The following DLG2 variants were observed in gnomAD, a reference collection of about 807,000 sequenced individuals.
The protein encoded by DLG2 is disks large homolog 2.
In DLG2, 45 loss-of-function variants were observed where a neutral mutation model predicts 132.5. That is an observed-to-expected ratio of 0.34 (90% confidence interval 0.27 to 0.44). DLG2 has a LOEUF of 0.44. Ranked by LOEUF, DLG2 falls within the 20% of genes least tolerant of loss-of-function variation. The pLI is 1.00. For missense variants in DLG2, 1,045 were observed against 1,196.9 expected, an observed-to-expected ratio of 0.87 and a Z score of 1.87; for synonymous variants, 424 against 419.6, an observed-to-expected ratio of 1.01 and a Z score of -0.13.
At position 84,355,887 on chromosome 11, in the gene DLG2, G is replaced by C. The variant is rs11821156; in HGVS notation, c.520-104596C>G. Among the ~76,000 whole-genome samples, 150 of 152,094 alleles carry C rather than the reference G, an allele frequency of 9.9e-4. 1 individual carries two copies. The highest frequency in any genetic ancestry group is 3.5e-3 in the African/African-American group (143 of 41,444). ...TTGCATAGTGTCCAAATGTGTCACT[G>C]TTCAATAAATATTTACTGAATGTTA... On this transcript the variant is annotated intron_variant, in intron 7 of 27. Transcript: ENST00000376104.
At chr11:84,473,237 T>C (rs1445901625) in intron 7 of DLG2, among the ~76,000 whole-genome samples, 1 of 152,034 alleles carries the variant, frequency 6.6e-6, no homozygotes, top group African/African-American at 2.4e-5. Context: ...AGAATGTGGC[T>C]CTGGTGAATC....
intron 7 of DLG2, among the ~76,000 whole-genome samples, chr11:84,354,966 C>A (rs775213260): frequency 6.6e-6 from 1 of 152,042 alleles, no homozygotes; most frequent in Non-Finnish European, 1.5e-5. Flanking sequence ...TTTTAATAAC[C>A]AATTTTTGAA....
At chr11:85,343,661 T>C (rs1021560273) in intron 3 of DLG2, among the ~76,000 whole-genome samples, 2 of 151,874 alleles carry the variant, frequency 1.3e-5, no homozygotes, top group Admixed American at 6.6e-5. Flanking sequence ...TACACGCACA[T>C]ACATACACAC....
intron 4 of DLG2, among the ~76,000 whole-genome samples, chr11:85,201,916 C>A (rs1456934722): frequency 6.6e-6 from 1 of 151,394 alleles, no homozygotes; most frequent in Admixed American, 6.6e-5. Flanking sequence ...AAAAAAAATT[C>A]TAGAGCTTAA....
rs1383356744 is a variant in DLG2, at chr11:84,861,629, A to AC, written c.357+250031_357+250032insG. 3.6e-3 allele frequency among the ~76,000 whole-genome samples: 262 copies of AC among 73,036 alleles called. 3 individuals carry two copies. Among genetic ancestry groups the AC allele is most frequent in the African/African-American group, 0.013 (256 of 20,186 alleles). The allele number at this position is 73,036 out of a possible 152,430, so 47.9% of individuals were successfully genotyped here. ...GAGCTTCTACACAGCAAAAAAAAAA[A>AC]AAAAAAAAAACAAAAAAAAAAACCT... On this transcript the variant is annotated intron_variant, in intron 6 of 27. Transcript: ENST00000376104.
At chr11:84,551,580 T>A (rs2099401955) in intron 6 of DLG2, among the ~76,000 whole-genome samples, 1 of 152,224 alleles carries the variant, frequency 6.6e-6, no homozygotes, top group Non-Finnish European at 1.5e-5. Flanking sequence ...TTCCCTCATT[T>A]AACAGATGAG....
intron 3 of DLG2, among the ~76,000 whole-genome samples, chr11:85,488,165 C>T (rs546329441): frequency 7.2e-5 from 11 of 152,166 alleles, no homozygotes; most frequent in South Asian, 2.1e-4. Flanking sequence ...CTGAAGTGGG[C>T]GGATCACGAG....
At chr11:84,106,039 A>G (rs570734941) in intron 9 of DLG2, among the ~76,000 whole-genome samples, 2 of 152,230 alleles carry the variant, frequency 1.3e-5, no homozygotes, top group African/African-American at 4.8e-5. Flanking sequence ...TACCACTTGA[A>G]CATTGGCCAT....
chr11:83,855,191 T>A (rs1201878539), intron 16 of DLG2, among the ~76,000 whole-genome samples: 1 of 152,220 alleles, frequency 6.6e-6, no homozygotes, highest in East Asian at 1.9e-4. Flanking sequence ...GGCAAGGATG[T>A]GTACCTGCAC....
chr11:85,014,915 G>A (rs1592706029), intron 6 of DLG2, among the ~76,000 whole-genome samples: 1 of 152,148 alleles, frequency 6.6e-6, no homozygotes, highest in African/African-American at 2.4e-5. Context: ...GTTATCCCGA[G>A]TCTCCTATCG....
chr11:83,752,796 T>C (rs897260497), intron 18 of DLG2, among the ~76,000 whole-genome samples: 2 of 152,178 alleles, frequency 1.3e-5, no homozygotes, highest in Non-Finnish European at 2.9e-5. Context: ...ACCTGGAATA[T>C]GAGAACGAAG....
At chr11:84,758,802 T>C (rs1207823003) in intron 6 of DLG2, among the ~76,000 whole-genome samples, 1 of 152,166 alleles carries the variant, frequency 6.6e-6, no homozygotes, top group Non-Finnish European at 1.5e-5. Flanking sequence ...TAACGTAGAT[T>C]CACTAAGTTG....
At chr11:84,640,124 A>C in intron 6 of DLG2, 1 of 312,316 alleles carries the variant, frequency 3.2e-6, no homozygotes, top group Non-Finnish European at 6.1e-6. Context: ...TCAATGTAGA[A>C]CTCAGTCTCC....
At chr11:85,293,377 C>T (rs1254407962) in intron 3 of DLG2, among the ~76,000 whole-genome samples, 1 of 152,000 alleles carries the variant, frequency 6.6e-6, no homozygotes, top group African/African-American at 2.4e-5. Flanking sequence ...ACAACCTGGG[C>T]AATATAGTGA....
intron 6 of DLG2, among the ~76,000 whole-genome samples, chr11:84,932,484 T>G (rs1236795226): frequency 6.6e-6 from 1 of 152,116 alleles, no homozygotes. Context: ...TTGTACCTAT[T>G]GACCTGTCCT....
chr11:85,439,391 G>A (rs908957623), intron 3 of DLG2, among the ~76,000 whole-genome samples: 5 of 141,688 alleles, frequency 3.5e-5, no homozygotes, highest in Non-Finnish European at 7.5e-5. Context: ...GGACAGCCTC[G>A]CTCTGTCGCC....
intron 22 of DLG2, 69 bp from the exon 23 acceptor site, chr11:83,472,846 G>GA: frequency 8.0e-7 from 1 of 1,251,272 alleles, no homozygotes; most frequent in Non-Finnish European, 1.2e-6. Context: ...GCCCTGCTCT[G>GA]AAACACAGGA....
At chr11:84,073,588 C>T (rs1025165351) in intron 10 of DLG2, among the ~76,000 whole-genome samples, 16 of 152,290 alleles carry the variant, frequency 1.1e-4, no homozygotes, top group African/African-American at 3.9e-4. Flanking sequence ...TACAAATTCA[C>T]ATCACAGGGT....
chr11:85,353,386 G>C (rs188562754), intron 3 of DLG2, among the ~76,000 whole-genome samples: 1 of 152,180 alleles, frequency 6.6e-6, no homozygotes, highest in East Asian at 1.9e-4. Context: ...TTACACTGTT[G>C]GTGGGAGTGT....
Sources: allele counts gnomAD v4.1 joint callset (sites outside exome capture counted in the v4.1 genomes callset), GRCh38; gene constraint gnomAD v4.1.1; transcripts MANE v1.5; gene names NCBI Gene and HGNC (gene_info 2026-07-23, HGNC 2026-07-21).